FAM228B: variants seen among roughly 807,000 people sequenced by gnomAD.
FAM228B encodes the protein family with sequence similarity 228 member B.
Under a neutral mutation model 42.6 loss-of-function variants are expected in FAM228B, and 38 were observed. The observed-to-expected ratio is 0.89, with a 90% CI of 0.69 to 1.17. The LOEUF (loss-of-function observed/expected upper bound fraction) is 1.17, where lower values mean the gene tolerates loss of function less well. FAM228B is among the 50% of genes most tolerant of loss of function. The pLI is 0.00. For synonymous variants in FAM228B, 109 were observed against 122.3 expected (o/e 0.89, Z 0.72); for missense variants, 344 against 367.3 (o/e 0.94, Z 0.52).
intron 1 of FAM228B, chr2:24,079,163 C>T (rs1447717362): frequency 5.5e-6 from 2 of 364,786 alleles, no homozygotes; most frequent in East Asian, 4.7e-5. Context: ...TGGAACTACT[C>T]GAAATACTTC....
At position 24,131,806 on chromosome 2, in the gene FAM228B, T is replaced by G. The variant is rs1272647154; in HGVS notation, c.100-3313T>G. Among the ~76,000 whole-genome samples the G allele has an allele frequency of 3.3e-5, 5 of 152,216 alleles. No homozygotes were observed. The South Asian group carries it at 1.0e-3, about 32-fold the overall frequency. ...ACAATTTGACTTCATCTCTTCCTATTTGAATACACTTTATTTATTTCTGTT... is the reference window on the plus strand; with the variant it reads ...ACAATTTGACTTCATCTCTTCCTATGTGAATACACTTTATTTATTTCTGTT... On this transcript the variant is annotated intron_variant, in intron 2 of 10. Coordinates refer to ENST00000615575, the MANE Select transcript of FAM228B (RefSeq NM_001145710.2).
intron 7 of FAM228B, among the ~76,000 whole-genome samples, chr2:24,158,307 C>T (rs550483282): frequency 1.3e-5 from 2 of 148,336 alleles, no homozygotes; most frequent in East Asian, 2.0e-4. Context: ...TACACTAGGC[C>T]GTACAGATTA....
At chr2:24,148,625 G>T (rs768801009) in intron 7 of FAM228B, among the ~76,000 whole-genome samples, 5 of 151,848 alleles carry the variant, frequency 3.3e-5, no homozygotes, top group Non-Finnish European at 5.9e-5. Flanking sequence ...TATTTATGAG[G>T]TACATGAGAT....
At chr2:24,135,271 A>G (rs1666553062) in intron 3 of FAM228B, 84 bp downstream of exon 3, 3 of 752,058 alleles carry the variant, frequency 4.0e-6, no homozygotes, top group South Asian at 4.0e-5. Context: ...TATAAAAACT[A>G]TTTAGAAAAT....
At chr2:24,149,134 A>G (rs1666964036) in intron 7 of FAM228B, among the ~76,000 whole-genome samples, 1 of 152,178 alleles carries the variant, frequency 6.6e-6, no homozygotes, top group Admixed American at 6.5e-5. Context: ...GTTGATGGAC[A>G]TTGAGGTTGC....
At chr2:24,085,634 C>A (rs1022542369) in intron 2 of FAM228B, 6 of 152,120 alleles carry the variant, frequency 3.9e-5, no homozygotes, top group African/African-American at 1.4e-4. Context: ...GATAGAATCC[C>A]CCTTACCCCT....
intron 2 of FAM228B, among the ~76,000 whole-genome samples, chr2:24,130,245 A>G (rs183878240): frequency 6.6e-6 from 1 of 152,274 alleles, no homozygotes; most frequent in South Asian, 2.1e-4. Context: ...TATCTTTGCT[A>G]TTGTAAATAG....
At chr2:24,146,131 C>G (rs1666888936) in intron 5 of FAM228B, among the ~76,000 whole-genome samples, 1 of 152,114 alleles carries the variant, frequency 6.6e-6, no homozygotes, top group African/African-American at 2.4e-5. Context: ...TGTAACTACC[C>G]CTGAAAAACT....
At chr2:24,130,436 A>T (rs556028248) in intron 2 of FAM228B, among the ~76,000 whole-genome samples, 13 of 152,312 alleles carry the variant, frequency 8.5e-5, no homozygotes, top group African/African-American at 3.1e-4. Flanking sequence ...TAACAGTGTA[A>T]AAGTGCTCCT....
intron 2 of FAM228B, chr2:24,081,034 G>A (rs1425347653): frequency 6.2e-7 from 1 of 1,610,966 alleles, no homozygotes; most frequent in Non-Finnish European, 8.5e-7. Flanking sequence ...AACATTTCCT[G>A]TGACAGAAAG....
chr2:24,136,053 C>CTTTTTTT (rs5829917), intron 3 of FAM228B, among the ~76,000 whole-genome samples: 1 of 35,812 alleles, frequency 2.8e-5, no homozygotes, highest in Non-Finnish European at 4.5e-5. Context: ...GATAACCCTT[C>CTTTTTTT]TTTTTTTTTT....
At chr2:24,082,956 C>T in intron 2 of FAM228B, 2 of 1,614,082 alleles carry the variant, frequency 1.2e-6, no homozygotes, top group East Asian at 2.2e-5. Context: ...CAGGGTCAAT[C>T]CCTCTGGGAT....
intron 1 of FAM228B, chr2:24,079,584 C>T (rs200754724): frequency 4.0e-5 from 64 of 1,614,126 alleles, no homozygotes; most frequent in Middle Eastern, 1.6e-4. Context: ...AGGCAGTTGA[C>T]GTTCTTCTCC....
At position 24,136,115 on chromosome 2, in the gene FAM228B, G is replaced by A. The variant is rs1666581303; in HGVS notation, c.168+928G>A. Among the ~76,000 whole-genome samples the A allele has an allele frequency of 2.4e-5, 3 of 122,936 alleles. No homozygotes were observed. The South Asian group carries it at 8.2e-4, about 34-fold the overall frequency. 80.7% of individuals were successfully genotyped at this position (122,936 alleles called of 152,430 possible). ...CTCACTCTGTCACCCAGGCTAGAGT[G>A]CAGTGGCACAATTACAGCTCTCTGC... is the stretch of plus-strand genomic sequence containing the variant. On this transcript the variant is annotated intron_variant, in intron 3 of 10. Coordinates refer to ENST00000615575, the MANE Select transcript of FAM228B (RefSeq NM_001145710.2).
At chr2:24,119,492 T>C, upstream of FAM228B, 1 of 931,284 alleles carries the variant, frequency 1.1e-6, no homozygotes, top group Non-Finnish European at 1.7e-6. Context: ...CTGCCCTAGC[T>C]GGTTTGAGTT....
intron 7 of FAM228B, among the ~76,000 whole-genome samples, chr2:24,157,147 T>C (rs11895355): frequency 0.029 from 4,447 of 152,288 alleles, 88 homozygotes; most frequent in African/African-American, 0.058. Flanking sequence ...GGGTTCCTTT[T>C]GGAGTTGATT....
At position 24,095,334 on chromosome 2, in the gene FAM228B, CA is replaced by C. The variant is rs1573733705; in HGVS notation, c.-121+106del. ...ACCTCACCCTGGAAGTGCAAGGGGT[CA>C]GGGGATTTCCCTTTCCTAGCCAAGG... On this transcript the variant is annotated intron_variant, in intron 3 of 10. Transcript: ENST00000613899. This position sits in a 1 kb window ranked among gnomAD's most constrained non-coding sequence, Gnocchi z 4.8. 6.6e-6 allele frequency: 1 copy of C among 152,256 alleles called. No homozygotes were observed. The highest frequency in any genetic ancestry group is 1.9e-4 in the East Asian group (1 of 5,188). 9.4% of individuals were successfully genotyped at this position (152,256 alleles called of 1,614,324 possible).
chr2:24,141,531 A>G (rs1346116580), intron 5 of FAM228B, among the ~76,000 whole-genome samples: 1 of 151,714 alleles, frequency 6.6e-6, no homozygotes, highest in Admixed American at 6.6e-5. Flanking sequence ...GGCTTGAGCC[A>G]CCGCGCCCGG....
chr2:24,096,398 G>A (rs1294042847), intron 3 of FAM228B: 7 of 152,166 alleles, frequency 4.6e-5, no homozygotes, highest in Non-Finnish European at 5.9e-5. Context: ...AAGATTAGAC[G>A]AATGGCTAAC....
Sources: allele counts gnomAD v4.1 joint callset (sites outside exome capture counted in the v4.1 genomes callset), GRCh38; gene constraint gnomAD v4.1.1; non-coding constraint Gnocchi (gnomAD v3.1); transcripts MANE v1.5; gene names NCBI Gene and HGNC (gene_info 2026-07-23, HGNC 2026-07-21).